SYNPO2: variants seen among roughly 807,000 people sequenced by gnomAD.
SYNPO2 encodes the protein synaptopodin 2, also known as synaptopodin-2.
In SYNPO2, 56 loss-of-function variants were observed where a neutral mutation model predicts 85.0. That is an observed-to-expected ratio of 0.66 (90% CI 0.53 to 0.82). The LOEUF is 0.82. Among genes scored for constraint, SYNPO2 ranks in the 40% least tolerant of loss-of-function variants. SYNPO2 has a pLI of 0.00. For synonymous variants in SYNPO2, 602 were observed against 591.1 expected, an observed-to-expected ratio of 1.02 and a Z score of -0.27; for missense variants, 1,575 against 1,534.2, an observed-to-expected ratio of 1.03 and a Z score of -0.44.
chr4:119,013,281 G>T (rs1737401266), intron 1 of SYNPO2, among the ~76,000 whole-genome samples: 1 of 152,132 alleles, frequency 6.6e-6, no homozygotes, highest in African/African-American at 2.4e-5. Context: ...AGGATATCCT[G>T]ATGAAGCAGT....
intron 1 of SYNPO2, among the ~76,000 whole-genome samples, chr4:118,872,514 T>A (rs1042729649): frequency 2.0e-5 from 3 of 152,216 alleles, no homozygotes; most frequent in African/African-American, 7.2e-5. Context: ...AATAGTTTTT[T>A]TTAAGTTAGC....
At chr4:119,033,514 A>G (rs1042461663) in intron 4 of SYNPO2, 9 of 985,452 alleles carry the variant, frequency 9.1e-6, no homozygotes, top group Non-Finnish European at 1.1e-5. Flanking sequence ...ACATGAATTA[A>G]TGTAGAGAAC....
At chr4:118,977,531 A>G (rs946490423) in intron 1 of SYNPO2, among the ~76,000 whole-genome samples, 4 of 152,192 alleles carry the variant, frequency 2.6e-5, no homozygotes, top group East Asian at 1.9e-4. Context: ...CTCAAATGCC[A>G]CCAAAGTGGG....
intron 1 of SYNPO2, among the ~76,000 whole-genome samples, chr4:119,007,308 G>A (rs1459052): frequency 0.87 from 88,373 of 101,302 alleles, 38,517 homozygotes; most frequent in South Asian, 0.94. Flanking sequence ...GTATATACAC[G>A]CACATATAGG....
At chr4:119,051,617 T>C (rs1337707363) in intron 4 of SYNPO2, among the ~76,000 whole-genome samples, 1 of 152,184 alleles carries the variant, frequency 6.6e-6, no homozygotes, top group Non-Finnish European at 1.5e-5. Flanking sequence ...GGTATAAGCT[T>C]TCAACTTTAT....
chr4:118,877,725 G>A (rs973826928), intron 1 of SYNPO2, among the ~76,000 whole-genome samples: 1 of 152,166 alleles, frequency 6.6e-6, no homozygotes, highest in Non-Finnish European at 1.5e-5. Context: ...GTGAGGTTGT[G>A]GAGAAAAGGG....
intron 1 of SYNPO2, among the ~76,000 whole-genome samples, chr4:118,939,332 G>A (rs180690925): frequency 6.6e-6 from 1 of 152,228 alleles, no homozygotes; most frequent in African/African-American, 2.4e-5. Context: ...GTTGCTGAGC[G>A]ACGCTCAAGC....
chr4:118,925,882 C>T (rs1733694813), intron 1 of SYNPO2, among the ~76,000 whole-genome samples: 1 of 151,984 alleles, frequency 6.6e-6, no homozygotes, highest in Non-Finnish European at 1.5e-5. Flanking sequence ...GTGACAATTC[C>T]CCAACCTTGA....
intron 1 of SYNPO2, among the ~76,000 whole-genome samples, chr4:118,970,316 T>C (rs530438793): frequency 6.6e-6 from 1 of 152,284 alleles, no homozygotes; most frequent in East Asian, 1.9e-4. Flanking sequence ...AAATAAATGT[T>C]TTATTGAGAA....
intron 1 of SYNPO2, among the ~76,000 whole-genome samples, chr4:119,023,152 AT>A (rs1737804520): frequency 1.3e-5 from 2 of 152,074 alleles, no homozygotes; most frequent in South Asian, 4.1e-4. Context: ...TATTTCTTTA[AT>A]TCTGTCTGGT....
chr4:118,868,047 T>TAAAAA (rs548315000), intron 1 of SYNPO2, among the ~76,000 whole-genome samples: 1 of 126,960 alleles, frequency 7.9e-6, no homozygotes, highest in Non-Finnish European at 1.7e-5. Flanking sequence ...CTCCTTTCAT[T>TAAAAA]TAAAAAAAAA....
chr4:118,957,506 A>G (rs1010364927), intron 1 of SYNPO2, among the ~76,000 whole-genome samples: 1 of 152,082 alleles, frequency 6.6e-6, no homozygotes, highest in Non-Finnish European at 1.5e-5. Context: ...TTGTTTTTTT[A>G]ATCTGTAAAG....
In SYNPO2 at chr4:118,888,918, TC is replaced by T. The variant is rs1732269825; in HGVS notation, c.-118del. 1 of 977,946 alleles carries T rather than the reference TC, an allele frequency of 1.0e-6. No individual in the cohort carries two copies. Among genetic ancestry groups the T allele is most frequent in the Non-Finnish European group, 1.6e-6 (1 of 635,944 alleles). The allele number at this position is 977,946 out of a possible 1,614,324, so 60.6% of individuals were successfully genotyped here. On this transcript the variant is annotated 5_prime_UTR_variant, in exon 1 of 5. Coordinates refer to ENST00000307142, the MANE Select transcript of SYNPO2 (RefSeq NM_133477.3). ...CAGCGGCTGCAGCAGCGGCGGACGC[TC>T]TGCATTACCCAGTCTTGCGTCCTCG...
chr4:118,898,991 C>T (rs1038411049), intron 1 of SYNPO2, among the ~76,000 whole-genome samples: 1 of 152,202 alleles, frequency 6.6e-6, no homozygotes, highest in African/African-American at 2.4e-5. Flanking sequence ...AAAGTCAGTT[C>T]TCTGAGAGGT....
chr4:119,008,209 G>T lies in SYNPO2; in HGVS notation c.106-15221G>T, dbSNP rs577894783. 1.1e-4 allele frequency among the ~76,000 whole-genome samples: 17 copies of T among 152,248 alleles called. 1 individual carries two copies. In the South Asian group the frequency reaches 3.5e-3, roughly 32 times the overall value. Reference sequence around the variant, plus strand: ...TGATGAGTTTAGTGCCCTTCTCACTGTGGGTACTGGTGATTATCTGTGATT... The same window carrying T: ...TGATGAGTTTAGTGCCCTTCTCACTTTGGGTACTGGTGATTATCTGTGATT... On this transcript the variant is annotated intron_variant, in intron 1 of 4. Transcript: ENST00000307142.
intron 1 of SYNPO2, among the ~76,000 whole-genome samples, chr4:118,880,088 T>TA (rs534082955): frequency 1.3e-3 from 195 of 152,306 alleles, no homozygotes; most frequent in African/African-American, 4.4e-3. Flanking sequence ...GAATCACTGT[T>TA]ACCACCTTCT....
intron 1 of SYNPO2, among the ~76,000 whole-genome samples, chr4:118,953,946 T>C (rs1046606209): frequency 4.6e-5 from 7 of 152,196 alleles, no homozygotes; most frequent in Non-Finnish European, 7.3e-5. Context: ...ATCTATGTCA[T>C]GTGCTTCCTC....
Position 118,903,755 on chromosome 4 carries a change from A to G in SYNPO2, c.105+14614A>G, listed in dbSNP as rs188333908. ...TTAGACGGAATCTCACTCTGTCACC[A>G]GGCTGGAGTGCAGTGGCGTGATCTC... On this transcript the variant is annotated intron_variant, in intron 1 of 4. Transcript: ENST00000307142. Among the ~76,000 whole-genome samples the G allele has an allele frequency of 2.5e-3, 378 of 151,868 alleles. 7 individuals are homozygous for G. Among genetic ancestry groups the G allele is most frequent in the Admixed American group, 0.022 (340 of 15,236 alleles).
At chr4:118,872,539 T>C (rs192856236) in intron 1 of SYNPO2, among the ~76,000 whole-genome samples, 1 of 152,340 alleles carries the variant, frequency 6.6e-6, no homozygotes, top group East Asian at 1.9e-4. Context: ...TAATAAATTT[T>C]GGCATGCTGT....
Sources: allele counts gnomAD v4.1 joint callset (sites outside exome capture counted in the v4.1 genomes callset), GRCh38; gene constraint gnomAD v4.1.1; transcripts MANE v1.5; gene names NCBI Gene and HGNC (gene_info 2026-07-23, HGNC 2026-07-21).